Variants in BIN3 observed in about 807,000 individuals in gnomAD.
The protein encoded by BIN3 is bridging integrator 3.
Under a neutral mutation model 38.2 loss-of-function variants are expected in BIN3, and 41 were observed. That is an observed-to-expected ratio of 1.07 (90% CI 0.84 to 1.39). The LOEUF is 1.39. Among genes scored for constraint, BIN3 ranks in the 40% most tolerant of loss-of-function variants. The pLI is 0.00. For synonymous variants in BIN3, 145 were observed against 122.6 expected, an observed-to-expected ratio of 1.18 and a Z score of -1.21; for missense variants, 361 against 324.3, an observed-to-expected ratio of 1.11 and a Z score of -0.87.
In BIN3 at chr8:22,623,902, C is replaced by T. The variant is rs779185923; in HGVS notation, c.615+13G>A. 6.2e-7 allele frequency: 1 copy of T among 1,610,258 alleles called. No individual in the cohort carries two copies. The highest frequency in any genetic ancestry group is 2.2e-5 in the East Asian group (1 of 44,812). ...TATACCAAGCCCAGGGGAAGAGCAC[C>T]TGGCGGCCTCACCTGAGCTCGGATG... On this transcript the variant is annotated intron_variant, in intron 8 of 8. Coordinates refer to ENST00000276416, the MANE Select transcript of BIN3 (RefSeq NM_018688.6).
Position 22,621,356 on chromosome 8 carries a change from C to A in BIN3, c.*66G>T. 6.5e-7 allele frequency: 1 copy of A among 1,546,482 alleles called. No homozygotes were observed. The highest frequency in any genetic ancestry group is 8.7e-7 in the Non-Finnish European group (1 of 1,144,496). ...CCCAGCCTGTGAGAGGAGCAGCTAGCCCTGAGAAGGGCAAGGATGAATGAG... is the reference window on the plus strand; with the variant it reads ...CCCAGCCTGTGAGAGGAGCAGCTAGACCTGAGAAGGGCAAGGATGAATGAG... On this transcript the variant is annotated 3_prime_UTR_variant, in exon 9 of 9. Coordinates refer to ENST00000276416, the MANE Select transcript of BIN3 (RefSeq NM_018688.6).
chr8:22,630,354 G>A, intron 5 of BIN3, 88 bp downstream of exon 5: 1 of 1,530,736 alleles, frequency 6.5e-7, no homozygotes, highest in Non-Finnish European at 8.9e-7. Flanking sequence ...AGCAGAGGGA[G>A]CCCACTCGGG....
At chr8:22,644,661 A>T in intron 2 of BIN3, 94 bp downstream of exon 2, 1 of 1,292,484 alleles carries the variant, frequency 7.7e-7, no homozygotes, top group Non-Finnish European at 1.1e-6. Flanking sequence ...CTGTCTTCCC[A>T]GCCCCAAGAT....
chr8:22,631,479 G>A (rs142347778), intron 4 of BIN3, among the ~76,000 whole-genome samples: 14 of 152,292 alleles, frequency 9.2e-5, no homozygotes, highest in African/African-American at 2.9e-4. Context: ...ACAACCCAGG[G>A]GATGTCTAGC....
chr8:22,626,813 C>T (rs1331346475), intron 6 of BIN3, among the ~76,000 whole-genome samples: 1 of 152,170 alleles, frequency 6.6e-6, no homozygotes, highest in African/African-American at 2.4e-5. Flanking sequence ...GCCTGACCCC[C>T]CAACATCCCC....
intron 5 of BIN3, 23 bp from the exon 6 acceptor site, chr8:22,630,027 C>T (rs1167037803): frequency 1.4e-5 from 23 of 1,603,212 alleles, no homozygotes; most frequent in Non-Finnish European, 2.0e-5. Flanking sequence ...AACCCAAAGA[C>T]ATTAAAACTG....
intron 1 of BIN3, among the ~76,000 whole-genome samples, chr8:22,663,162 G>C (rs1230713107): frequency 3.3e-5 from 5 of 151,842 alleles, no homozygotes; most frequent in South Asian, 2.1e-4. Context: ...GAAAATATCA[G>C]AGTGCATTGC....
chr8:22,663,440 TAAAAAAAAAAA>T (rs35060338), intron 1 of BIN3, among the ~76,000 whole-genome samples: 1 of 128,690 alleles, frequency 7.8e-6, no homozygotes, highest in Admixed American at 7.9e-5. Context: ...CCGATTTGTT[TAAAAAAAAAAA>T]AAAAAAAAAA....
chr8:22,669,004 C>G (rs887174295), intron 1 of BIN3, 40 bp downstream of exon 1: 6 of 1,559,680 alleles, frequency 3.8e-6, no homozygotes, highest in Non-Finnish European at 5.2e-6. Flanking sequence ...CCTCGCGGGT[C>G]CGCGGGTCCA....
chr8:22,657,844 A>G (rs1803104415), intron 1 of BIN3, among the ~76,000 whole-genome samples: 1 of 152,226 alleles, frequency 6.6e-6, no homozygotes, highest in African/African-American at 2.4e-5. Flanking sequence ...TAGGAGAAGC[A>G]GCTGCTTTGG....
At chr8:22,657,872 C>A (rs760167201) in intron 1 of BIN3, among the ~76,000 whole-genome samples, 1 of 152,204 alleles carries the variant, frequency 6.6e-6, no homozygotes, top group East Asian at 1.9e-4. Context: ...GGGGCAACAG[C>A]GACAGTGTCA....
At chr8:22,624,142 C>T (rs1585175751) in intron 7 of BIN3, 80 bp downstream of exon 7, 2 of 1,587,636 alleles carry the variant, frequency 1.3e-6, no homozygotes, top group East Asian at 4.5e-5. Context: ...CTTGGTGCCC[C>T]CAGGTGAGGG....
rs116910490 is a variant in BIN3 at position 22,631,194 on chromosome 8, C to T, written c.161-616G>A. Among the ~76,000 whole-genome samples, 84 of 152,224 alleles carry T rather than the reference C, an allele frequency of 5.5e-4. No homozygotes were observed. In the East Asian group the frequency reaches 0.015, roughly 26 times the overall value. ...GGTCAGATTAGGCCAGCAGCTGCAC[C>T]CTGCCAACCCCTGGTTTCCTCAATA... is the stretch of plus-strand genomic sequence containing the variant. On this transcript the variant is annotated intron_variant, in intron 4 of 8. Transcript: ENST00000276416.
At chr8:22,648,934 T>C (rs1029500004) in intron 1 of BIN3, among the ~76,000 whole-genome samples, 2 of 150,118 alleles carry the variant, frequency 1.3e-5, no homozygotes, top group Non-Finnish European at 3.0e-5. Context: ...TATGTATGTA[T>C]GTATGTAAGT....
intron 1 of BIN3, among the ~76,000 whole-genome samples, chr8:22,650,922 G>C (rs1437321022): frequency 6.6e-6 from 1 of 152,178 alleles, no homozygotes; most frequent in African/African-American, 2.4e-5. Context: ...TCAATATTAA[G>C]TAAACTATTA....
At chr8:22,642,335 G>T (rs1391893559) in intron 2 of BIN3, among the ~76,000 whole-genome samples, 1 of 149,052 alleles carries the variant, frequency 6.7e-6, no homozygotes, top group Non-Finnish European at 1.5e-5. Context: ...TTTGGGGGCC[G>T]GGAGGGGGTG....
At chr8:22,649,274 C>T (rs1481247144) in intron 1 of BIN3, among the ~76,000 whole-genome samples, 2 of 152,228 alleles carry the variant, frequency 1.3e-5, no homozygotes, top group Non-Finnish European at 2.9e-5. Flanking sequence ...GCTTTCTCTG[C>T]TCCCAGGAAA....
At chr8:22,623,356 G>T (rs1563940601) in intron 8 of BIN3, among the ~76,000 whole-genome samples, 1 of 152,170 alleles carries the variant, frequency 6.6e-6, no homozygotes, top group Non-Finnish European at 1.5e-5. Flanking sequence ...ACCCCCAGTG[G>T]CGCCCCCATG....
At chr8:22,635,107 G>A (rs1171933507) in intron 4 of BIN3, among the ~76,000 whole-genome samples, 1 of 152,186 alleles carries the variant, frequency 6.6e-6, no homozygotes, top group Admixed American at 6.5e-5. Context: ...CGCGCTTGCT[G>A]TCCACTGTGT....
Sources: gnomAD v4.1 joint callset for allele counts (sites outside exome capture counted in the v4.1 genomes callset) on GRCh38, gnomAD v4.1.1 for gene constraint, MANE v1.5 for transcripts, NCBI Gene and HGNC (gene_info 2026-07-23, HGNC 2026-07-21) for gene names.